Variants in LDLRAD3 observed in about 807,000 individuals in gnomAD.
LDLRAD3 encodes low-density lipoprotein receptor class A domain-containing protein 3.
Under a neutral mutation model 29.4 loss-of-function variants are expected in LDLRAD3, and 20 were observed. That is an observed-to-expected ratio of 0.68 (90% confidence interval 0.48 to 0.99). The LOEUF is 0.99. Among genes scored for constraint, LDLRAD3 ranks in the 50% least tolerant of loss-of-function variants. The pLI, the probability that LDLRAD3 is intolerant of heterozygous loss-of-function variation, is 0.00. For synonymous variants in LDLRAD3, 157 were observed against 192.7 expected, an observed-to-expected ratio of 0.81 and a Z score of 1.53; for missense variants, 420 against 454.3, an observed-to-expected ratio of 0.92 and a Z score of 0.69.
At chr11:36,117,924 G>T (rs546697208) in intron 4 of LDLRAD3, among the ~76,000 whole-genome samples, 2 of 152,330 alleles carry the variant, frequency 1.3e-5, no homozygotes, top group South Asian at 4.1e-4. Flanking sequence ...AAAGGAGAAG[G>T]CACCAAGGCC....
intron 4 of LDLRAD3, among the ~76,000 whole-genome samples, chr11:36,157,132 G>A (rs950421103): frequency 1.3e-5 from 2 of 152,206 alleles, no homozygotes; most frequent in African/African-American, 4.8e-5. Context: ...CTGCTGGAAA[G>A]AGAGGACCCC....
chr11:36,229,024 A>T, intron 5 of LDLRAD3, 136 bp from the exon 6 acceptor site: 1 of 701,264 alleles, frequency 1.4e-6, no homozygotes, highest in Non-Finnish European at 2.6e-6. Flanking sequence ...TTGTCTTTGT[A>T]CTTGGAGGGA....
chr11:36,044,149 G>A (rs1265574950), intron 2 of LDLRAD3, among the ~76,000 whole-genome samples: 1 of 152,104 alleles, frequency 6.6e-6, no homozygotes, highest in Non-Finnish European at 1.5e-5. Flanking sequence ...TTTATGACCT[G>A]TGCAGCCCCC....
chr11:36,065,508 T>C (rs562123100), intron 2 of LDLRAD3, among the ~76,000 whole-genome samples: 6 of 152,324 alleles, frequency 3.9e-5, no homozygotes, highest in African/African-American at 1.4e-4. Context: ...TTCCTGTGAC[T>C]GATGTAGAAG....
intron 4 of LDLRAD3, among the ~76,000 whole-genome samples, chr11:36,179,927 C>T (rs544848855): frequency 5.9e-5 from 9 of 152,064 alleles, no homozygotes; most frequent in East Asian, 1.9e-4. Context: ...GAACCCAGAT[C>T]GAGGCCATAG....
intron 4 of LDLRAD3, among the ~76,000 whole-genome samples, chr11:36,109,356 C>A (rs939692865): frequency 6.6e-6 from 1 of 150,586 alleles, no homozygotes; most frequent in Non-Finnish European, 1.5e-5. Flanking sequence ...ACGGATAAGA[C>A]ACGTGAAGGT....
chr11:36,046,105 C>T (rs991577314), intron 2 of LDLRAD3, among the ~76,000 whole-genome samples: 1 of 152,074 alleles, frequency 6.6e-6, no homozygotes, highest in Non-Finnish European at 1.5e-5. Context: ...AGAATGATGG[C>T]TTCCAGCTTC....
chr11:36,204,527 CT>C (rs1855178089), intron 4 of LDLRAD3, among the ~76,000 whole-genome samples: 1 of 147,492 alleles, frequency 6.8e-6, no homozygotes, highest in African/African-American at 2.5e-5. Flanking sequence ...TGAAGTCTTG[CT>C]CTTGTCATCC....
chr11:36,033,006 C>T (rs1481468064), intron 1 of LDLRAD3, among the ~76,000 whole-genome samples: 5 of 151,996 alleles, frequency 3.3e-5, no homozygotes, highest in Non-Finnish European at 2.9e-5. Flanking sequence ...TCCCAAGTAG[C>T]TGGGATTACA....
intron 1 of LDLRAD3, among the ~76,000 whole-genome samples, chr11:35,973,145 A>AGTTTT (rs71457394): frequency 1.2e-4 from 18 of 149,614 alleles, no homozygotes; most frequent in African/African-American, 2.2e-4. Flanking sequence ...GAGGCACCTC[A>AGTTTT]GTTTTGTTTT....
chr11:36,178,329 C>T (rs1244647551), intron 4 of LDLRAD3, among the ~76,000 whole-genome samples: 2 of 152,194 alleles, frequency 1.3e-5, no homozygotes, highest in Non-Finnish European at 2.9e-5. Context: ...CACTGTTCCC[C>T]TCCCCGCCGC....
intron 3 of LDLRAD3, among the ~76,000 whole-genome samples, chr11:36,094,133 G>A (rs1011875138): frequency 1.5e-4 from 23 of 152,140 alleles, no homozygotes; most frequent in African/African-American, 5.3e-4. Context: ...CCGGGGACTC[G>A]CCCCTGTCTG....
chr11:36,114,267 T>G (rs12361093), intron 4 of LDLRAD3, among the ~76,000 whole-genome samples: 75,089 of 152,110 alleles, frequency 0.49, 21,138 homozygotes, highest in Non-Finnish European at 0.62. Flanking sequence ...CTGTCCCTCC[T>G]TGGGCTCACT....
chr11:36,172,840 A>G lies in LDLRAD3; in HGVS notation c.455-54245A>G, dbSNP rs1590330122. ...TTGGTGTTAGGGTGATACTGGCTTC[A>G]TAGAAAGATTTAGGGAGAATTCTCT... On this transcript the variant is annotated intron_variant, in intron 4 of 5. Transcript: ENST00000315571. 2.0e-5 allele frequency among the ~76,000 whole-genome samples: 3 copies of G among 152,182 alleles called. No individual in the cohort carries two copies. In the South Asian group the frequency reaches 6.2e-4, roughly 32 times the overall value.
intron 1 of LDLRAD3, among the ~76,000 whole-genome samples, chr11:36,008,504 T>A (rs1216442667): frequency 1.3e-5 from 2 of 152,218 alleles, no homozygotes; most frequent in Non-Finnish European, 2.9e-5. Flanking sequence ...GAAATGTAAC[T>A]TTAAATGCTC....
At chr11:36,097,432 T>G (rs1853376889) in intron 3 of LDLRAD3, among the ~76,000 whole-genome samples, 1 of 152,204 alleles carries the variant, frequency 6.6e-6, no homozygotes, top group Non-Finnish European at 1.5e-5. Context: ...ATGTGTCCCT[T>G]ATGCTACCAG....
chr11:35,977,593 A>T (rs892465458), intron 1 of LDLRAD3, among the ~76,000 whole-genome samples: 4 of 152,170 alleles, frequency 2.6e-5, no homozygotes, highest in Admixed American at 1.3e-4. Flanking sequence ...GGGAGAGTAC[A>T]GGTAGGGAGA....
intron 4 of LDLRAD3, among the ~76,000 whole-genome samples, chr11:36,111,609 T>G (rs77512857): frequency 6.6e-6 from 1 of 151,844 alleles, no homozygotes; most frequent in South Asian, 2.1e-4. Context: ...TTTTTTTTTT[T>G]TCTTTCTCTG....
At chr11:35,996,273 C>T (rs1851753237) in intron 1 of LDLRAD3, among the ~76,000 whole-genome samples, 1 of 152,086 alleles carries the variant, frequency 6.6e-6, no homozygotes, top group Non-Finnish European at 1.5e-5. Flanking sequence ...TGTTGCGTCT[C>T]AAGGAATAGG....
Sources: allele counts gnomAD v4.1 joint callset (sites outside exome capture counted in the v4.1 genomes callset), GRCh38; gene constraint gnomAD v4.1.1; transcripts MANE v1.5; gene names NCBI Gene and HGNC (gene_info 2026-07-23, HGNC 2026-07-21).